AP3B1: variants seen among roughly 807,000 people sequenced by gnomAD.
AP3B1 encodes adaptor related protein complex 3 subunit beta 1, also known as AP-3 complex subunit beta-1.
Under a neutral mutation model 132.5 loss-of-function variants are expected in AP3B1, and 61 were observed. The ratio of observed to expected loss-of-function variants is 0.46; its 90% CI spans 0.37 to 0.57. The LOEUF (loss-of-function observed/expected upper bound fraction) is 0.57. Ranked by LOEUF, AP3B1 falls within the 20% of genes least tolerant of loss-of-function variation. The pLI, the probability that AP3B1 is intolerant of heterozygous loss-of-function variation, is 0.00. For synonymous variants in AP3B1, 388 were observed against 438.3 expected (o/e 0.89, Z 1.43); for missense variants, 1,120 against 1,289.4 (o/e 0.87, Z 2.01).
At chr5:78,182,601 C>A (rs1278889741) in intron 7 of AP3B1, among the ~76,000 whole-genome samples, 1 of 152,130 alleles carries the variant, frequency 6.6e-6, no homozygotes, top group African/African-American at 2.4e-5. Flanking sequence ...CAGAAGCTGG[C>A]AACAAATGCA....
At chr5:78,179,736 T>C (rs1451700006) in intron 8 of AP3B1, among the ~76,000 whole-genome samples, 1 of 152,172 alleles carries the variant, frequency 6.6e-6, no homozygotes, top group Non-Finnish European at 1.5e-5. Context: ...GTATTATGTT[T>C]CCTGAAAGAA....
chr5:78,141,146 T>C lies in AP3B1; in HGVS notation c.1647A>G (p.Lys549=). 4 of 1,613,378 alleles carry C rather than the reference T, an allele frequency of 2.5e-6. No individual in the cohort carries two copies. Among genetic ancestry groups the C allele is most frequent in the Non-Finnish European group, 3.4e-6 (4 of 1,179,424 alleles). ...LGAKLYLTNS[K]QTKLLTQYIL... ...TTGACTAACATTTGCCTCTCACCTG[T>C]TTGGAGTTGGTTAAATACAATTTTG... Residue 549 remains lysine, a synonymous_variant, in exon 15 of 27, where the codon AAA becomes AAG. Transcript: ENST00000255194.
intron 22 of AP3B1, among the ~76,000 whole-genome samples, chr5:78,064,013 T>A (rs1749171012): frequency 6.6e-6 from 1 of 151,452 alleles, no homozygotes; most frequent in Non-Finnish European, 1.5e-5. Flanking sequence ...AAGAAGTACT[T>A]GCAGGGGGGG....
intron 26 of AP3B1, among the ~76,000 whole-genome samples, chr5:78,005,783 C>T (rs1746365908): frequency 6.6e-6 from 1 of 152,136 alleles, no homozygotes. Flanking sequence ...TTTGTTTTGG[C>T]CCTCGGAAGG....
intron 22 of AP3B1, among the ~76,000 whole-genome samples, chr5:78,067,966 T>C (rs570155636): frequency 1.0e-4 from 14 of 136,024 alleles, no homozygotes; most frequent in African/African-American, 3.9e-4. Flanking sequence ...AAAAAAAAAA[T>C]CAATGAATCC....
In AP3B1 at chr5:78,175,813, T is replaced by A. The variant is rs1485234502; in HGVS notation, c.1066A>T (p.Asn356Tyr). The A allele has an allele frequency of 1.9e-6, 3 of 1,612,006 alleles. No homozygotes were observed. In the African/African-American group the frequency reaches 4.0e-5, roughly 22 times the overall value. Residue 356 changes from asparagine to tyrosine, a missense_variant, in exon 10 of 27, where the codon AAT (asparagine) becomes TAT (tyrosine). By Grantham distance (143) the Asn-to-Tyr change is moderately radical. Transcript: ENST00000255194. ...CTTTGAATTGACATAGTTGCTATATTTTGTAGGACAATATACTGCACCTCC... is the reference window on the plus strand; with the variant it reads ...CTTTGAATTGACATAGTTGCTATATATTGTAGGACAATATACTGCACCTCC... ...NREVQYIVLQNIATMSIQRKG... is the reference protein window; with the variant it reads ...NREVQYIVLQYIATMSIQRKG...
At chr5:78,088,880 C>T (rs1446088412) in intron 22 of AP3B1, 1 of 155,140 alleles carries the variant, frequency 6.4e-6, no homozygotes, top group African/African-American at 2.4e-5. Flanking sequence ...TCTAGCCTCA[C>T]TTCACATCAC....
chr5:78,055,022 C>G (rs1398531384), intron 22 of AP3B1, among the ~76,000 whole-genome samples: 259 of 72,318 alleles, frequency 3.6e-3, no homozygotes, highest in African/African-American at 0.015. Context: ...TACAGACACA[C>G]ACACACACAC....
intron 6 of AP3B1, among the ~76,000 whole-genome samples, chr5:78,216,508 T>C (rs1029239741): frequency 6.6e-6 from 1 of 152,184 alleles, no homozygotes; most frequent in African/African-American, 2.4e-5. Context: ...TTCAACACAT[T>C]GTTCATATGT....
chr5:78,047,662 C>T (rs1315707878), intron 22 of AP3B1, among the ~76,000 whole-genome samples: 1 of 152,134 alleles, frequency 6.6e-6, no homozygotes, highest in Non-Finnish European at 1.5e-5. Flanking sequence ...TGTCTGTTTA[C>T]TCTGATCAGG....
At chr5:78,211,082 C>G (rs986748706) in intron 7 of AP3B1, among the ~76,000 whole-genome samples, 1 of 151,960 alleles carries the variant, frequency 6.6e-6, no homozygotes, top group Non-Finnish European at 1.5e-5. Context: ...ATTTATTAAC[C>G]TAAAAGGTTT....
intron 22 of AP3B1, among the ~76,000 whole-genome samples, chr5:78,078,794 G>C (rs1411136741): frequency 6.6e-6 from 1 of 152,150 alleles, no homozygotes; most frequent in Non-Finnish European, 1.5e-5. Context: ...GTAATTCCTA[G>C]CATAGTGATT....
intron 7 of AP3B1, among the ~76,000 whole-genome samples, chr5:78,197,665 GAAAT>G (rs1216928266): frequency 7.9e-5 from 12 of 152,024 alleles, no homozygotes; most frequent in Admixed American, 2.0e-4. Context: ...GATTTCCTAA[GAAAT>G]AAACACAAAC....
At chr5:78,229,203 A>G (rs1457099823) in intron 3 of AP3B1, among the ~76,000 whole-genome samples, 1 of 152,166 alleles carries the variant, frequency 6.6e-6, no homozygotes, top group African/African-American at 2.4e-5. Flanking sequence ...CCCAAAGCAC[A>G]GGGGTTACAG....
At chr5:78,280,337 C>T (rs1287903632) in intron 1 of AP3B1, among the ~76,000 whole-genome samples, 1 of 152,136 alleles carries the variant, frequency 6.6e-6, no homozygotes, top group African/African-American at 2.4e-5. Context: ...TTTTCACTGA[C>T]ATTACTTTGA....
chr5:78,129,167 TA>T lies in AP3B1; in HGVS notation c.1790del (p.Ile597AsnfsTer3). On this transcript the variant is annotated frameshift_variant, in exon 16 of 27. Transcript: ENST00000255194. LOFTEE classifies it high-confidence loss of function. ...GTGGTGCAGGCTTTTGTGCTAGGAATATTTTTTTGGCATATTTACTTAAAGC... is the reference window on the plus strand; with the variant it reads ...GTGGTGCAGGCTTTTGTGCTAGGAATTTTTTTTGGCATATTTACTTAAAGC... ...SGALSKYAKK[I>X]FLAQKPAPLL... is the part of the protein sequence containing the mutation. The T allele has an allele frequency of 6.2e-7, 1 of 1,613,446 alleles. No individual in the cohort carries two copies. The highest frequency in any genetic ancestry group is 8.5e-7 in the Non-Finnish European group (1 of 1,179,566).
At chr5:78,102,538 T>C (rs1414820688) in intron 20 of AP3B1, among the ~76,000 whole-genome samples, 3 of 152,058 alleles carry the variant, frequency 2.0e-5, no homozygotes, top group South Asian at 4.1e-4. Context: ...GTGAAAAAAA[T>C]AGAAGAAACA....
intron 20 of AP3B1, among the ~76,000 whole-genome samples, chr5:78,101,656 T>C (rs1751128541): frequency 6.6e-6 from 1 of 152,040 alleles, no homozygotes; most frequent in Admixed American, 6.6e-5. Flanking sequence ...TATCTGCATA[T>C]AACTAGGGCT....
intron 17 of AP3B1, among the ~76,000 whole-genome samples, chr5:78,117,480 T>C (rs1025525607): frequency 1.3e-5 from 2 of 152,006 alleles, no homozygotes; most frequent in African/African-American, 4.8e-5. Context: ...CAGCTAATTT[T>C]TGTATTTTTA....
Sources: allele counts gnomAD v4.1 joint callset (sites outside exome capture counted in the v4.1 genomes callset), GRCh38; gene constraint gnomAD v4.1.1; transcripts MANE v1.5; gene names NCBI Gene and HGNC (gene_info 2026-07-23, HGNC 2026-07-21).